The following B4GALNT2 variants were observed in gnomAD, a reference collection of about 807,000 sequenced individuals.
B4GALNT2 encodes the protein beta-1,4-N-acetyl-galactosaminyltransferase 2 (SID blood group).
In B4GALNT2, 42 loss-of-function variants were observed where a neutral mutation model predicts 51.1. The ratio of observed to expected loss-of-function variants is 0.82; its 90% CI spans 0.64 to 1.06. The LOEUF (loss-of-function observed/expected upper bound fraction) is 1.06, where lower values mean the gene tolerates loss of function less well. Among genes scored for constraint, B4GALNT2 ranks in the 50% least tolerant of loss-of-function variants. The probability of loss-of-function intolerance (pLI) is 0.00; values close to 1 mark genes in which losing one functional copy is unlikely to be tolerated. For synonymous variants in B4GALNT2, 253 were observed against 251.7 expected (o/e 1.01, Z -0.05); for missense variants, 602 against 633.6 (o/e 0.95, Z 0.54).
the B4GALNT2 span, among the ~76,000 whole-genome samples, chr17:49,127,073 T>C: frequency 3.3e-5 from 5 of 152,244 alleles, no homozygotes; most frequent in African/African-American, 7.2e-5. Context: ...CAATTTCTGA[T>C]GTGCCTCAAC....
At chr17:49,164,491 CCT>C (rs2042893224) in intron 8 of B4GALNT2, among the ~76,000 whole-genome samples, 1 of 139,544 alleles carries the variant, frequency 7.2e-6, no homozygotes, top group Non-Finnish European at 1.5e-5. Context: ...GGTTATTCCA[CCT>C]TTCCTCATTT....
intron 3 of B4GALNT2, among the ~76,000 whole-genome samples, chr17:49,150,212 C>T (rs1025326997): frequency 1.6e-5 from 2 of 123,334 alleles, no homozygotes; most frequent in Non-Finnish European, 3.4e-5. Flanking sequence ...GGGTCAGCCC[C>T]CCGCCCGGCC....
At chr17:49,127,630 T>C (rs1023893098), upstream of B4GALNT2, among the ~76,000 whole-genome samples, 9 of 152,110 alleles carry the variant, frequency 5.9e-5, no homozygotes, top group Non-Finnish European at 1.2e-4. Flanking sequence ...CCAGTAATTA[T>C]AAGATTTAAA....
intron 10 of B4GALNT2, among the ~76,000 whole-genome samples, 180 bp downstream of exon 10, chr17:49,169,080 CCTCA>C (rs773012361): frequency 2.0e-5 from 3 of 152,158 alleles, no homozygotes; most frequent in Non-Finnish European, 4.4e-5. Context: ...TTACCTCCCT[CCTCA>C]CGTCTCTTTG....
At position 49,152,909 on chromosome 17, in the gene B4GALNT2, A is replaced by G. The variant is rs140100494; in HGVS notation, c.460+3A>G. On this transcript the variant is annotated splice_donor_region_variant and intron_variant, in intron 4 of 10. Coordinates refer to ENST00000393354, the MANE Select transcript of B4GALNT2 (RefSeq NM_001159387.2). The stretch of plus-strand genomic sequence containing the variant: ...CCTGCACACGGTTCCCATCCCAGGT[A>G]AGTACATCCACATACCAAGAGACCC... The G allele has an allele frequency of 7.9e-5, 126 of 1,602,466 alleles. No homozygotes were observed. The highest frequency in any genetic ancestry group is 1.5e-5 in the Non-Finnish European group (17 of 1,172,284).
intron 3 of B4GALNT2, among the ~76,000 whole-genome samples, chr17:49,150,275 C>T (rs1393653366): frequency 5.9e-5 from 6 of 101,556 alleles, no homozygotes; most frequent in Admixed American, 1.0e-4. Context: ...CCCGGCCAGC[C>T]GCCCCGTCTG....
the B4GALNT2 span, among the ~76,000 whole-genome samples, chr17:49,126,126 T>G: frequency 6.6e-6 from 1 of 152,068 alleles, no homozygotes; most frequent in Non-Finnish European, 1.5e-5. Context: ...GAAGTAGACA[T>G]GGGAAACTTT....
intron 7 of B4GALNT2, among the ~76,000 whole-genome samples, chr17:49,163,756 C>CAAAAAAAA: frequency 1.1e-5 from 1 of 91,162 alleles, no homozygotes; most frequent in Non-Finnish European, 2.1e-5. Context: ...AACTCCGTAT[C>CAAAAAAAA]AAAAAAAAAA....
chr17:49,152,871 TGG>T lies in B4GALNT2; in HGVS notation c.426_427del (p.Glu143GlyfsTer15). 1 of 1,611,228 alleles carries T rather than the reference TGG, an allele frequency of 6.2e-7. No homozygotes were observed. The highest frequency in any genetic ancestry group is 8.5e-7 in the Non-Finnish European group (1 of 1,178,648). ...CCCTTTGGGTACCCAGTCCACGGAG[TGG>T]AGGTGATGCCCCTGCACACGGTTCC... On this transcript the variant is annotated frameshift_variant, in exon 4 of 11. Transcript: ENST00000393354. LOFTEE classifies it high-confidence loss of function.
chr17:49,159,913 A>C (rs774753394), intron 6 of B4GALNT2, among the ~76,000 whole-genome samples: 5 of 152,082 alleles, frequency 3.3e-5, no homozygotes, highest in Non-Finnish European at 7.4e-5. Flanking sequence ...ACTAATAGGA[A>C]AGAACTGGGA....
At chr17:49,156,497 G>T in intron 4 of B4GALNT2, 69 bp from the exon 5 acceptor site, 1 of 1,540,896 alleles carries the variant, frequency 6.5e-7, no homozygotes, top group African/African-American at 1.4e-5. Context: ...CCATGAGGTT[G>T]GCGAGAGCAG....
rs561003460 is a variant in B4GALNT2, at chr17:49,175,660, A to G, written c.*5932A>G. The G allele has an allele frequency of 1.3e-5, 2 of 152,258 alleles. No individual in the cohort carries two copies. The highest frequency in any genetic ancestry group is 1.9e-4 in the East Asian group (1 of 5,174). 9.4% of individuals were successfully genotyped at this position (152,258 alleles called of 1,614,324 possible). A position where few individuals can be genotyped will look rare whatever the true frequency, so the allele number is the denominator to read the frequency against. ...GTACAGGGGTGAGGGAGTGAGCTAT[A>G]ATATTTCCCTGTTGATCTGGGGGGT... On this transcript the variant is annotated 3_prime_UTR_variant, in exon 11 of 11. Transcript: ENST00000393354.
At chr17:49,125,654 G>A in the B4GALNT2 span, among the ~76,000 whole-genome samples, 5 of 149,354 alleles carry the variant, frequency 3.3e-5, no homozygotes, top group South Asian at 1.1e-3. Context: ...CCCCGTCTGG[G>A]GGGTGAGGAG....
At position 49,133,039 on chromosome 17, in the gene B4GALNT2, G is replaced by A. The variant is rs577387342; in HGVS notation, c.14+233G>A. On this transcript the variant is annotated intron_variant, in intron 1 of 10. Coordinates refer to ENST00000393354, the MANE Select transcript of B4GALNT2 (RefSeq NM_001159387.2). The stretch of plus-strand genomic sequence containing the variant: ...GCACCCCCAGGAATGGGGAGCGCTG[G>A]CTTTTCCGTGGGAAAATTCCACGTG... The A allele has an allele frequency of 2.0e-6, 3 of 1,495,940 alleles. No homozygotes were observed. The South Asian group carries it at 4.0e-5, about 20-fold the overall frequency. 92.7% of individuals were successfully genotyped at this position (1,495,940 alleles called of 1,614,324 possible).
chr17:49,125,159 TTTTA>T, the B4GALNT2 span, among the ~76,000 whole-genome samples: 2 of 152,098 alleles, frequency 1.3e-5, no homozygotes, highest in African/African-American at 4.8e-5. Context: ...TTTATTTTAT[TTTTA>T]TTTATTTATT....
Position 49,141,478 on chromosome 17 carries a change from T to A in B4GALNT2, c.215+31T>A, listed in dbSNP as rs770356325. On this transcript the variant is annotated intron_variant, in intron 2 of 10. Transcript: ENST00000393354. ...AGACTGCGTGTTCTTTCTTTCACCT[T>A]AATGCACACATCTTCCTTGCTCCTC... is the stretch of plus-strand genomic sequence containing the variant. 8.1e-6 allele frequency: 13 copies of A among 1,595,278 alleles called. 1 individual carries two copies. Among genetic ancestry groups the A allele is most frequent in the Middle Eastern group, 3.8e-4 (2 of 5,272 alleles).
At chr17:49,149,420 C>A (rs770271545) in intron 3 of B4GALNT2, among the ~76,000 whole-genome samples, 1 of 151,914 alleles carries the variant, frequency 6.6e-6, no homozygotes, top group Non-Finnish European at 1.5e-5. Flanking sequence ...CTGAGGTGGG[C>A]GGATCACTTG....
Position 49,162,238 on chromosome 17 carries a change from G to A in B4GALNT2, c.766+1597G>A, listed in dbSNP as rs2042871701. On this transcript the variant is annotated intron_variant, in intron 7 of 10. Transcript: ENST00000393354. ...ATCTTCGATTCACATTAAAGACAAA[G>A]GTCTAATTTTACTTAAGAGCATCTA... 1.3e-5 allele frequency among the ~76,000 whole-genome samples: 2 copies of A among 152,004 alleles called. 1 individual carries two copies. The highest frequency in any genetic ancestry group is 4.1e-4 in the South Asian group (2 of 4,820).
Position 49,169,657 on chromosome 17 carries a change from A to T in B4GALNT2, c.1450A>T (p.Asn484Tyr). Residue 484 changes from asparagine (N) to tyrosine (Y), a missense_variant, in exon 11 of 11, where the codon AAC (asparagine) becomes TAC (tyrosine). Asn to Tyr is a moderately radical substitution (Grantham distance 143, BLOSUM62 -2). Transcript: ENST00000393354. ...GAAGACCTACAATACATACCGGTCC[A>T]ACACCCTCACCCGGGTCCAGTTCAA... ...LEKTYNTYRS[N>Y]TLTRVQFKLA... 6.2e-7 allele frequency: 1 copy of T among 1,611,130 alleles called. No individual in the cohort carries two copies. Among genetic ancestry groups the T allele is most frequent in the Non-Finnish European group, 8.5e-7 (1 of 1,178,076 alleles).
Sources: gnomAD v4.1 joint callset for allele counts (sites outside exome capture counted in the v4.1 genomes callset) on GRCh38, gnomAD v4.1.1 for gene constraint, MANE v1.5 for transcripts, NCBI Gene and HGNC (gene_info 2026-07-23, HGNC 2026-07-21) for gene names.